Variants in CCDC178 observed in about 807,000 individuals in gnomAD.
CCDC178 encodes coiled-coil domain-containing protein 178.
A neutral mutation model predicts 117.4 loss-of-function variants in CCDC178; 126 were observed. The observed-to-expected ratio is 1.07, with a 90% CI of 0.93 to 1.24. The LOEUF (loss-of-function observed/expected upper bound fraction) is 1.24. Ranked by LOEUF, CCDC178 falls within the 50% of genes most tolerant of loss-of-function variation. The pLI is 0.00. For missense variants in CCDC178, 1,030 were observed against 986.9 expected (o/e 1.04, Z -0.59); for synonymous variants, 283 against 313.4 (o/e 0.90, Z 1.02).
chr18:33,228,861 C>G (rs886948003), intron 15 of CCDC178, among the ~76,000 whole-genome samples: 26 of 152,284 alleles, frequency 1.7e-4, no homozygotes, highest in African/African-American at 6.3e-4. Context: ...ACCCAAAGCA[C>G]TGGGAAAATG....
chr18:33,437,146 C>A (rs943528523), intron 2 of CCDC178, among the ~76,000 whole-genome samples: 5 of 152,246 alleles, frequency 3.3e-5, no homozygotes, highest in East Asian at 1.9e-4. Flanking sequence ...CTTTTTCAGC[C>A]TCTCAAAGAA....
At chr18:33,417,820 A>G (rs2063967490) in intron 2 of CCDC178, among the ~76,000 whole-genome samples, 1 of 152,168 alleles carries the variant, frequency 6.6e-6, no homozygotes, top group South Asian at 2.1e-4. Flanking sequence ...GAATAGACCC[A>G]TAACGAATTC....
At chr18:32,998,487 C>A (rs2055564277) in intron 21 of CCDC178, among the ~76,000 whole-genome samples, 1 of 152,122 alleles carries the variant, frequency 6.6e-6, no homozygotes, top group South Asian at 2.1e-4. Context: ...TCTATAGGGA[C>A]ACCAGCTGGA....
At chr18:33,215,783 G>T in intron 18 of CCDC178, 88 bp from the exon 19 acceptor site, 1 of 1,046,558 alleles carries the variant, frequency 9.6e-7, no homozygotes, top group Non-Finnish European at 1.4e-6. Context: ...TTGGCTGTGT[G>T]AACAACTAAA....
chr18:33,331,026 C>CTTTTTTTTTTTT lies in CCDC178; in HGVS notation c.879+2136_879+2147dup, dbSNP rs67153629. ...CCTGATAAGCTTTACACAAACATTG[C>CTTTTTTTTTTTT]TTTTTTTTTTTTTTTTTTTTTTTTT... On this transcript the variant is annotated intron_variant, in intron 10 of 22. Coordinates refer to ENST00000383096, the MANE Select transcript of CCDC178 (RefSeq NM_001105528.4). Among the ~76,000 whole-genome samples the CTTTTTTTTTTTT allele has an allele frequency of 5.5e-3, 249 of 45,044 alleles. 41 individuals are homozygous for CTTTTTTTTTTTT. Among genetic ancestry groups the CTTTTTTTTTTTT allele is most frequent in the East Asian group, 0.016 (23 of 1,426 alleles). The allele number at this position is 45,044 out of a possible 152,430, so 29.6% of individuals were successfully genotyped here.
chr18:33,329,328 C>T (rs577193494), intron 10 of CCDC178, among the ~76,000 whole-genome samples: 2 of 152,228 alleles, frequency 1.3e-5, no homozygotes, highest in East Asian at 3.9e-4. Flanking sequence ...TGTACAATGT[C>T]AAATAGAAGT....
At chr18:33,203,084 T>A (rs2059011427) in intron 20 of CCDC178, among the ~76,000 whole-genome samples, 1 of 152,182 alleles carries the variant, frequency 6.6e-6, no homozygotes, top group African/African-American at 2.4e-5. Flanking sequence ...ACTCTGGATA[T>A]TAGCATAATT....
At chr18:33,432,649 A>G (rs1442363995) in intron 2 of CCDC178, among the ~76,000 whole-genome samples, 1 of 152,174 alleles carries the variant, frequency 6.6e-6, no homozygotes, top group Non-Finnish European at 1.5e-5. Context: ...TAACTTATCT[A>G]AAGAAAGACT....
At chr18:33,312,385 G>C (rs1261499415) in intron 11 of CCDC178, among the ~76,000 whole-genome samples, 21 of 152,190 alleles carry the variant, frequency 1.4e-4, no homozygotes, top group Non-Finnish European at 1.5e-5. Flanking sequence ...ACCTTAACAA[G>C]GGACCTGGGG....
intron 21 of CCDC178, among the ~76,000 whole-genome samples, chr18:33,001,033 A>G (rs939097878): frequency 3.9e-5 from 6 of 152,224 alleles, no homozygotes; most frequent in Admixed American, 3.9e-4. Context: ...CAGCATAATA[A>G]GATATAAATA....
chr18:33,260,361 C>T (rs988044451), intron 14 of CCDC178, among the ~76,000 whole-genome samples: 1 of 151,858 alleles, frequency 6.6e-6, no homozygotes, highest in African/African-American at 2.4e-5. Context: ...TGTTTATCCT[C>T]TTTTGTGAAG....
At chr18:32,991,242 T>C (rs771917036) in intron 21 of CCDC178, among the ~76,000 whole-genome samples, 3 of 152,208 alleles carry the variant, frequency 2.0e-5, no homozygotes, top group Non-Finnish European at 4.4e-5. Context: ...ATCCTTTTAA[T>C]CATTGCACTT....
intron 20 of CCDC178, among the ~76,000 whole-genome samples, chr18:33,123,093 G>T (rs1259767406): frequency 6.6e-6 from 1 of 152,122 alleles, no homozygotes; most frequent in Non-Finnish European, 1.5e-5. Context: ...CTTGAATATA[G>T]TACCTAAGTT....
At chr18:33,356,075 C>A (rs139278303) in intron 7 of CCDC178, among the ~76,000 whole-genome samples, 1 of 152,064 alleles carries the variant, frequency 6.6e-6, no homozygotes, top group Non-Finnish European at 1.5e-5. Flanking sequence ...CTGTAAAAGT[C>A]GATTCTGACT....
intron 22 of CCDC178, among the ~76,000 whole-genome samples, chr18:32,942,100 C>T (rs1186983503): frequency 6.6e-6 from 1 of 152,096 alleles, no homozygotes; most frequent in African/African-American, 2.4e-5. Context: ...TAGTTATGGT[C>T]ATCTTTTCTC....
chr18:33,431,642 G>A (rs1446916350), intron 2 of CCDC178, among the ~76,000 whole-genome samples: 2 of 152,008 alleles, frequency 1.3e-5, no homozygotes, highest in South Asian at 2.1e-4. Context: ...CTCCTACTAG[G>A]AGCCACTCTA....
chr18:33,014,284 A>G (rs1365914349), intron 21 of CCDC178, among the ~76,000 whole-genome samples: 1 of 152,210 alleles, frequency 6.6e-6, no homozygotes, highest in Non-Finnish European at 1.5e-5. Context: ...TTTATTTGAC[A>G]AGACTCATAG....
intron 11 of CCDC178, among the ~76,000 whole-genome samples, chr18:33,301,717 C>T (rs528175045): frequency 1.6e-4 from 24 of 152,302 alleles, no homozygotes; most frequent in Non-Finnish European, 2.4e-4. Context: ...CTCTTTCTTT[C>T]GACCAATTTC....
At chr18:33,339,270 C>T (rs2062782526) in intron 9 of CCDC178, among the ~76,000 whole-genome samples, 1 of 151,738 alleles carries the variant, frequency 6.6e-6, no homozygotes, top group African/African-American at 2.4e-5. Flanking sequence ...GGTATAAAAG[C>T]TGAAACATAG....
Sources: allele counts gnomAD v4.1 joint callset (sites outside exome capture counted in the v4.1 genomes callset), GRCh38; gene constraint gnomAD v4.1.1; transcripts MANE v1.5; gene names NCBI Gene and HGNC (gene_info 2026-07-23, HGNC 2026-07-21).